CLIC6: variants seen among roughly 807,000 people sequenced by gnomAD.
CLIC6 encodes chloride intracellular channel protein 6.
Under a neutral mutation model 49.2 loss-of-function variants are expected in CLIC6, and 39 were observed. The observed-to-expected ratio is 0.79, with a 90% CI of 0.61 to 1.04. The LOEUF (loss-of-function observed/expected upper bound fraction) is 1.04. Among genes scored for constraint, CLIC6 ranks in the 50% least tolerant of loss-of-function variants. The pLI, the probability that CLIC6 is intolerant of heterozygous loss-of-function variation, is 0.00. For synonymous variants in CLIC6, 446 were observed against 433.4 expected, an observed-to-expected ratio of 1.03 and a Z score of -0.36; for missense variants, 988 against 993.1, an observed-to-expected ratio of 0.99 and a Z score of 0.07.
At chr21:34,708,973 A>G (rs1302515907) in intron 4 of CLIC6, among the ~76,000 whole-genome samples, 167 bp downstream of exon 4, 2 of 152,192 alleles carry the variant, frequency 1.3e-5, no homozygotes, top group African/African-American at 4.8e-5. Flanking sequence ...GGGCTTCAAG[A>G]GATGAATGCT....
intron 1 of CLIC6, among the ~76,000 whole-genome samples, chr21:34,704,758 C>T (rs1198141834): frequency 6.6e-6 from 1 of 152,162 alleles, no homozygotes; most frequent in Admixed American, 6.5e-5. Flanking sequence ...GCTTTATTCC[C>T]CCTAAAGAAG....
At chr21:34,707,437 GCA>G (rs10657933) in intron 2 of CLIC6, 48 bp downstream of exon 2, 27,635 of 716,330 alleles carry the variant, frequency 0.039, 7 homozygotes, top group South Asian at 0.067. Context: ...CTAGTTCTCT[GCA>G]CACACACACA....
intron 1 of CLIC6, among the ~76,000 whole-genome samples, chr21:34,703,086 G>A (rs958224232): frequency 6.6e-6 from 1 of 152,100 alleles, no homozygotes; most frequent in Non-Finnish European, 1.5e-5. Flanking sequence ...TCCACCAGAC[G>A]CCATGTCTTT....
At chr21:34,695,527 A>G (rs1990074548) in intron 1 of CLIC6, among the ~76,000 whole-genome samples, 1 of 152,190 alleles carries the variant, frequency 6.6e-6, no homozygotes, top group Non-Finnish European at 1.5e-5. Flanking sequence ...GTTCTCTCAC[A>G]TTCTGTCATG....
intron 4 of CLIC6, 111 bp from the exon 5 acceptor site, chr21:34,709,246 T>G: frequency 5.5e-6 from 5 of 906,050 alleles, no homozygotes; most frequent in Non-Finnish European, 8.5e-6. Flanking sequence ...CAGCACCCAT[T>G]GCTTGCTGGC....
At chr21:34,688,284 C>T (rs1190248558) in intron 1 of CLIC6, among the ~76,000 whole-genome samples, 2 of 152,198 alleles carry the variant, frequency 1.3e-5, no homozygotes, top group African/African-American at 2.4e-5. Context: ...TGGTTTGACT[C>T]TTATTCGGCT....
intron 1 of CLIC6, among the ~76,000 whole-genome samples, chr21:34,671,345 C>A (rs932601245): frequency 2.0e-5 from 3 of 151,950 alleles, no homozygotes; most frequent in Non-Finnish European, 4.4e-5. Context: ...CAACAATGTA[C>A]GTTTAGGGGG....
intron 1 of CLIC6, among the ~76,000 whole-genome samples, chr21:34,688,118 T>C (rs1708026937): frequency 6.6e-6 from 1 of 152,208 alleles, no homozygotes; most frequent in African/African-American, 2.4e-5. Flanking sequence ...ATGATACATG[T>C]TTCCTTTATA....
chr21:34,711,392 T>C (rs1204771825), intron 5 of CLIC6, among the ~76,000 whole-genome samples: 1 of 151,624 alleles, frequency 6.6e-6, no homozygotes, highest in Non-Finnish European at 1.5e-5. Flanking sequence ...ATTAGCTAGG[T>C]GTGGTGGTGT....
intron 1 of CLIC6, among the ~76,000 whole-genome samples, chr21:34,675,490 C>T (rs147214699): frequency 1.3e-5 from 2 of 152,096 alleles, no homozygotes; most frequent in African/African-American, 4.8e-5. Flanking sequence ...AGCAAAGATG[C>T]ATTTCTGAGA....
rs373343587 is a variant in CLIC6 at position 34,709,048 on chromosome 21, C to T, written c.1717+242C>T. On this transcript the variant is annotated intron_variant, in intron 4 of 5. Coordinates refer to ENST00000349499, the MANE Select transcript of CLIC6 (RefSeq NM_053277.3). ...GAAAATAGTCATCACCCAGGTGTTC[C>T]GGACACACCATGGGAATCATGTTCA... 7.2e-4 allele frequency among the ~76,000 whole-genome samples: 110 copies of T among 152,312 alleles called. No homozygotes were observed. The South Asian group carries it at 0.011, about 15-fold the overall frequency.
rs2145824026 is a variant in CLIC6 at position 34,716,697 on chromosome 21, GAC to G, written c.*220_*221del. ...ATACTGCTTTGTAATTACAAAATGAGACACACCTATCTTGATATTTTAAAGCA... is the reference window on the plus strand; with the variant it reads ...ATACTGCTTTGTAATTACAAAATGAGACACCTATCTTGATATTTTAAAGCA... On this transcript the variant is annotated 3_prime_UTR_variant, in exon 6 of 6. Coordinates refer to ENST00000349499, the MANE Select transcript of CLIC6 (RefSeq NM_053277.3). 2.5e-6 allele frequency: 1 copy of G among 401,944 alleles called. No homozygotes were observed. Among genetic ancestry groups the G allele is most frequent in the Admixed American group, 4.3e-5 (1 of 23,416 alleles). The allele number at this position is 401,944 out of a possible 1,614,324, so 24.9% of individuals were successfully genotyped here.
chr21:34,705,983 A>AT, intron 1 of CLIC6: 3 of 657,720 alleles, frequency 4.6e-6, no homozygotes, highest in East Asian at 2.8e-5. Flanking sequence ...AACTCTGTAT[A>AT]TTTTTTAAAT....
intron 1 of CLIC6, among the ~76,000 whole-genome samples, chr21:34,690,254 T>C (rs1305904565): frequency 6.6e-6 from 1 of 152,206 alleles, no homozygotes; most frequent in Non-Finnish European, 1.5e-5. Context: ...TCGAGGCCAG[T>C]GCTGTCACCC....
chr21:34,697,210 G>A (rs1421492662), intron 1 of CLIC6, among the ~76,000 whole-genome samples: 2 of 143,952 alleles, frequency 1.4e-5, no homozygotes, highest in Non-Finnish European at 3.0e-5. Context: ...TTTGCCACCT[G>A]TGCTACGCCA....
chr21:34,684,493 C>T (rs1989838812), intron 1 of CLIC6, among the ~76,000 whole-genome samples: 1 of 152,186 alleles, frequency 6.6e-6, no homozygotes, highest in Admixed American at 6.5e-5. Flanking sequence ...TGAATGACAG[C>T]CATGTAGAAA....
At chr21:34,693,466 C>G in intron 1 of CLIC6, among the ~76,000 whole-genome samples, 1 of 152,138 alleles carries the variant, frequency 6.6e-6, no homozygotes, top group East Asian at 1.9e-4. Context: ...CCTACCTTGA[C>G]GTTTGAGGGT....
chr21:34,704,175 T>C (rs1199922526), intron 1 of CLIC6, among the ~76,000 whole-genome samples: 5 of 152,210 alleles, frequency 3.3e-5, no homozygotes, highest in Non-Finnish European at 5.9e-5. Flanking sequence ...TCGGAATATA[T>C]GTCTTTATCC....
chr21:34,689,568 C>G (rs530401429), intron 1 of CLIC6, among the ~76,000 whole-genome samples: 1 of 150,984 alleles, frequency 6.6e-6, no homozygotes, highest in Admixed American at 6.6e-5. Context: ...TAACAAGTGT[C>G]TCGTTTGGTG....
Sources: allele counts gnomAD v4.1 joint callset (sites outside exome capture counted in the v4.1 genomes callset), GRCh38; gene constraint gnomAD v4.1.1; transcripts MANE v1.5; gene names NCBI Gene and HGNC (gene_info 2026-07-23, HGNC 2026-07-21).